RASA3: variants seen among roughly 807,000 people sequenced by gnomAD.
RASA3 encodes the protein ras GTPase-activating protein 3.
A neutral mutation model predicts 110.0 loss-of-function variants in RASA3; 73 were observed. That is an observed-to-expected ratio of 0.66 (90% CI 0.55 to 0.81). The LOEUF (loss-of-function observed/expected upper bound fraction) is 0.81. RASA3 is among the 30% of genes least tolerant of loss of function. The pLI is 0.00. For synonymous variants in RASA3, 500 were observed against 451.4 expected (o/e 1.11, Z -1.37); for missense variants, 976 against 1,113.2 (o/e 0.88, Z 1.75).
At chr13:114,095,028 A>G (rs1254805734) in intron 1 of RASA3, among the ~76,000 whole-genome samples, 2 of 152,358 alleles carry the variant, frequency 1.3e-5, no homozygotes, top group Non-Finnish European at 2.9e-5. Context: ...AGGTGATGCT[A>G]TTATTCTACC....
At position 113,978,666 on chromosome 13, in the gene RASA3, C is replaced by T. The variant is rs2052833815; in HGVS notation, c.*681G>A. The T allele has an allele frequency of 6.6e-6, 1 of 152,338 alleles. No homozygotes were observed. Among genetic ancestry groups the T allele is most frequent in the African/African-American group, 2.4e-5 (1 of 41,454 alleles). The allele number at this position is 152,338 out of a possible 1,614,324, so 9.4% of individuals were successfully genotyped here. On this transcript the variant is annotated 3_prime_UTR_variant, in exon 24 of 24. Transcript: ENST00000334062. ...CCCACACCTTTCCCTCCAAGGGACT[C>T]TGTGGACAGAACCCGTATCCCCCAA...
chr13:114,041,419 T>C (rs952773880), intron 3 of RASA3, among the ~76,000 whole-genome samples: 1 of 152,278 alleles, frequency 6.6e-6, no homozygotes, highest in African/African-American at 2.4e-5. Flanking sequence ...GTCTCCACTG[T>C]GTCCCTTCCA....
chr13:114,056,689 CATAA>C lies in RASA3; in HGVS notation c.174-4538_174-4535del, dbSNP rs1162708885. The C allele has an allele frequency of 4.1e-6, 4 of 981,322 alleles. No individual in the cohort carries two copies. Among genetic ancestry groups the C allele is most frequent in the Non-Finnish European group, 4.8e-6 (4 of 826,332 alleles). 60.8% of individuals were successfully genotyped at this position (981,322 alleles called of 1,614,324 possible). On this transcript the variant is annotated intron_variant, in intron 2 of 23. Coordinates refer to ENST00000334062, the MANE Select transcript of RASA3 (RefSeq NM_007368.4). This position sits in a 1 kb window ranked among gnomAD's most constrained non-coding sequence, Gnocchi z 5.7. ...CGTGGAAATTGAGGTGCTTAAAATT[CATAA>C]ATAAACCAGAAATCCATTCAATAAA...
intron 7 of RASA3, 98 bp from the exon 8 acceptor site, chr13:114,024,453 C>G: frequency 9.6e-7 from 1 of 1,045,332 alleles, no homozygotes. Context: ...TCTGCGCTTA[C>G]CCACACACCA....
intron 2 of RASA3, among the ~76,000 whole-genome samples, chr13:114,066,687 G>C (rs1241079290): frequency 6.6e-6 from 1 of 152,224 alleles, no homozygotes; most frequent in East Asian, 1.9e-4. Flanking sequence ...GTGCGGCTGA[G>C]AGAACCCCCT....
chr13:113,992,270 T>A (rs1355796947), intron 22 of RASA3, among the ~76,000 whole-genome samples: 1 of 152,232 alleles, frequency 6.6e-6, no homozygotes, highest in African/African-American at 2.4e-5. Flanking sequence ...CTAAAAATTA[T>A]CTATAGAACC....
chr13:114,131,182 C>G (rs557148943), intron 1 of RASA3, among the ~76,000 whole-genome samples: 1 of 152,348 alleles, frequency 6.6e-6, no homozygotes, highest in African/African-American at 2.4e-5. Context: ...AAACAGCCCG[C>G]TGGTTTAGGG....
At chr13:114,075,040 A>G (rs901702662) in intron 1 of RASA3, among the ~76,000 whole-genome samples, 1 of 152,222 alleles carries the variant, frequency 6.6e-6, no homozygotes, top group Admixed American at 6.5e-5. Context: ...ATTTGGCTCT[A>G]AAGACGCCTG....
intron 4 of RASA3, among the ~76,000 whole-genome samples, chr13:114,033,249 C>A (rs1336602340): frequency 8.4e-6 from 1 of 119,040 alleles, no homozygotes; most frequent in Non-Finnish European, 1.8e-5. Flanking sequence ...CACGGCACCC[C>A]CACACTTGAC....
chr13:114,019,015 T>A, intron 9 of RASA3, 96 bp from the exon 10 acceptor site: 1 of 1,475,382 alleles, frequency 6.8e-7, no homozygotes, highest in Non-Finnish European at 9.3e-7. Flanking sequence ...GGTCGACTGG[T>A]CAGGAGGGTG....
chr13:114,125,211 A>T (rs946003712), intron 1 of RASA3, among the ~76,000 whole-genome samples: 1 of 152,218 alleles, frequency 6.6e-6, no homozygotes, highest in African/African-American at 2.4e-5. Flanking sequence ...GATGCACATG[A>T]CATAATCACC....
At chr13:114,100,379 C>T (rs906951938) in intron 1 of RASA3, among the ~76,000 whole-genome samples, 3 of 152,176 alleles carry the variant, frequency 2.0e-5, no homozygotes, top group Non-Finnish European at 4.4e-5. Flanking sequence ...GACTCTTGTG[C>T]GCAACACCCA....
At chr13:114,013,609 TC>T (rs1398982281) in intron 14 of RASA3, among the ~76,000 whole-genome samples, 2 of 103,722 alleles carry the variant, frequency 1.9e-5, no homozygotes, top group Non-Finnish European at 3.8e-5. Flanking sequence ...TCTGGCTCTC[TC>T]CCCCCCTCCA....
At chr13:114,017,623 C>A (rs2053823273) in intron 11 of RASA3, among the ~76,000 whole-genome samples, 1 of 152,254 alleles carries the variant, frequency 6.6e-6, no homozygotes, top group Non-Finnish European at 1.5e-5. Flanking sequence ...CGCCCTCCCG[C>A]CCTCTCCCCT....
chr13:114,104,594 C>G (rs771776574), intron 1 of RASA3, among the ~76,000 whole-genome samples: 15 of 152,194 alleles, frequency 9.9e-5, no homozygotes, highest in Non-Finnish European at 2.2e-4. Context: ...GGGCCGGCCA[C>G]AAAGCCTCTC....
chr13:114,010,608 G>A (rs147572367), intron 16 of RASA3, among the ~76,000 whole-genome samples: 4,363 of 123,186 alleles, frequency 0.035, 108 homozygotes, highest in Middle Eastern at 0.11. Flanking sequence ...GGAGGGGAGC[G>A]CCACGTTGGG....
intron 23 of RASA3, among the ~76,000 whole-genome samples, chr13:113,980,381 GCCTCCTCCCACGTGTGCACCA>G (rs2052901060): frequency 8.3e-6 from 1 of 120,448 alleles, no homozygotes; most frequent in Non-Finnish European, 1.7e-5. Flanking sequence ...CCGTGTGTGT[GCCTCCTCCCACGTGTGCACCA>G]CCTCCTCCCA....
At chr13:114,000,799 G>A (rs200459830) in intron 19 of RASA3, 27 bp downstream of exon 19, 1 of 1,511,102 alleles carries the variant, frequency 6.6e-7, no homozygotes, top group East Asian at 2.3e-5. Context: ...TCCAGCAAGA[G>A]CCAGGGAAAG....
intron 2 of RASA3, among the ~76,000 whole-genome samples, chr13:114,055,457 C>T (rs750439727): frequency 3.3e-5 from 5 of 152,222 alleles, no homozygotes; most frequent in Admixed American, 2.0e-4. Flanking sequence ...CTGCGGACAG[C>T]GTCCCCACTG....
Sources: allele counts gnomAD v4.1 joint callset (sites outside exome capture counted in the v4.1 genomes callset), GRCh38; gene constraint gnomAD v4.1.1; non-coding constraint Gnocchi (gnomAD v3.1); transcripts MANE v1.5; gene names NCBI Gene and HGNC (gene_info 2026-07-23, HGNC 2026-07-21).